EWSR1: variants seen among roughly 807,000 people sequenced by gnomAD.
The protein encoded by EWSR1 is EWS RNA binding protein 1, also known as RNA-binding protein EWS.
In EWSR1, 14 loss-of-function variants were observed where a neutral mutation model predicts 92.1. The observed-to-expected ratio is 0.15, with a 90% CI of 0.10 to 0.24. EWSR1 has a LOEUF of 0.24. Ranked by LOEUF, EWSR1 falls within the 10% of genes least tolerant of loss-of-function variation. The probability of loss-of-function intolerance (pLI) is 1.00; values close to 1 mark genes in which losing one functional copy is unlikely to be tolerated. For missense variants in EWSR1, 637 were observed against 870.9 expected, an observed-to-expected ratio of 0.73 and a Z score of 3.38; for synonymous variants, 303 against 292.9, an observed-to-expected ratio of 1.03 and a Z score of -0.35.
chr22:29,277,541 T>G, intron 4 of EWSR1: 1 of 228,390 alleles, frequency 4.4e-6, no homozygotes. Context: ...AAATTACAGG[T>G]TTTAGTGCTA....
At position 29,300,476 on chromosome 22, in the gene EWSR1, A is replaced by T; in HGVS notation, c.*315A>T. On this transcript the variant is annotated 3_prime_UTR_variant, in exon 17 of 17. Coordinates refer to ENST00000397938, the MANE Select transcript of EWSR1 (RefSeq NM_005243.4). ...AACTGTAACAATGTTCATGGTTGTG[A>T]TGTTTTTTTTTTTTTTTTAAATAAA... 5.8e-5 allele frequency: 14 copies of T among 240,382 alleles called. No homozygotes were observed. Among genetic ancestry groups the T allele is most frequent in the Non-Finnish European group, 9.5e-5 (12 of 126,532 alleles). The allele number at this position is 240,382 out of a possible 1,614,324, so 14.9% of individuals were successfully genotyped here. A position where few individuals can be genotyped will look rare whatever the true frequency, so the allele number is the denominator to read the frequency against.
intron 13 of EWSR1, 61 bp from the exon 14 acceptor site, chr22:29,298,672 C>G (rs2061078380): frequency 6.3e-7 from 1 of 1,594,790 alleles, no homozygotes; most frequent in African/African-American, 1.3e-5. Flanking sequence ...ATTTTTATTT[C>G]CTATAGCAAA....
chr22:29,282,745 T>C (rs532616514), intron 6 of EWSR1, among the ~76,000 whole-genome samples, 188 bp downstream of exon 6: 7 of 152,068 alleles, frequency 4.6e-5, no homozygotes, highest in African/African-American at 1.4e-4. Flanking sequence ...TGGCAGCTAA[T>C]AACTATTCTT....
intron 5 of EWSR1, among the ~76,000 whole-genome samples, chr22:29,281,451 T>C (rs1386540230): frequency 1.3e-5 from 2 of 152,128 alleles, no homozygotes; most frequent in Admixed American, 6.5e-5. Context: ...ACCACAGGCA[T>C]GTACCACCAT....
At chr22:29,286,791 T>C (rs1049219366) in intron 6 of EWSR1, 132 bp from the exon 7 acceptor site, 1 of 631,588 alleles carries the variant, frequency 1.6e-6, no homozygotes, top group Admixed American at 2.9e-5. Flanking sequence ...AAATTGTTGA[T>C]GTGTAGAAAG....
Position 29,272,210 on chromosome 22 carries a change from C to A in EWSR1, c.14-6C>A. ...TACACTATTTTTCCTCCTTGTTTTC[C>A]TCTAGATTACAGTACCTATAGCCAA... On this transcript the variant is annotated splice_region_variant and splice_polypyrimidine_tract_variant and intron_variant, in intron 1 of 16. Transcript: ENST00000397938. 6 of 1,613,562 alleles carry A rather than the reference C, an allele frequency of 3.7e-6. No homozygotes were observed. Among genetic ancestry groups the A allele is most frequent in the Non-Finnish European group, 5.1e-6 (6 of 1,179,632 alleles).
intron 13 of EWSR1, among the ~76,000 whole-genome samples, chr22:29,298,351 C>T (rs1004197393): frequency 6.6e-6 from 1 of 151,988 alleles, no homozygotes; most frequent in Non-Finnish European, 1.5e-5. Context: ...ACTAAAAATA[C>T]AAAAATTAGC....
chr22:29,276,454 G>C (rs1018376199), intron 4 of EWSR1: 2 of 221,200 alleles, frequency 9.0e-6, no homozygotes, highest in African/African-American at 4.5e-5. Flanking sequence ...TTGAGGTAGA[G>C]AAGAAAGAGT....
intron 5 of EWSR1, among the ~76,000 whole-genome samples, chr22:29,280,859 GTTGTTTTTTTTTTTTTT>G (rs1569072796): frequency 4.4e-5 from 4 of 91,022 alleles, no homozygotes; most frequent in African/African-American, 1.6e-4. Context: ...GTGTGTGTGT[GTTGTTTTTTTTTTTTTT>G]TTTTTTTTTT....
intron 12 of EWSR1, among the ~76,000 whole-genome samples, chr22:29,296,941 C>T (rs978902456): frequency 6.6e-6 from 1 of 152,174 alleles, no homozygotes; most frequent in African/African-American, 2.4e-5. Flanking sequence ...ACCAGCCACT[C>T]AGGAGGCTGA....
chr22:29,286,612 G>C (rs770655202), intron 6 of EWSR1, among the ~76,000 whole-genome samples: 1 of 147,268 alleles, frequency 6.8e-6, no homozygotes, highest in Non-Finnish European at 1.5e-5. Flanking sequence ...GCATGAACCC[G>C]GGAGGCAGAG....
chr22:29,295,169 C>G (rs1413452821), intron 11 of EWSR1, among the ~76,000 whole-genome samples: 1 of 152,012 alleles, frequency 6.6e-6, no homozygotes, highest in African/African-American at 2.4e-5. Flanking sequence ...GGGTTCAAGC[C>G]TCAAGCCTCT....
At chr22:29,277,830 C>T (rs2146998298) in intron 4 of EWSR1, 200 bp from the exon 5 acceptor site, 1 of 552,714 alleles carries the variant, frequency 1.8e-6, no homozygotes, top group Non-Finnish European at 3.2e-6. Context: ...GAGACAGTTA[C>T]TTTACCAAAA....
At chr22:29,293,405 ATTAGAG>A (rs761729153) in intron 11 of EWSR1, among the ~76,000 whole-genome samples, 2 of 152,194 alleles carry the variant, frequency 1.3e-5, no homozygotes, top group Non-Finnish European at 2.9e-5. Flanking sequence ...GCTCTTCTGT[ATTAGAG>A]TTAGTTTATG....
intron 6 of EWSR1, among the ~76,000 whole-genome samples, chr22:29,282,888 G>A (rs968931286): frequency 2.0e-5 from 3 of 150,644 alleles, no homozygotes; most frequent in Admixed American, 1.3e-4. Flanking sequence ...TCAACCTCCC[G>A]AGTAGCTGGG....
intron 8 of EWSR1, 174 bp downstream of exon 8, chr22:29,288,960 T>A: frequency 1.6e-6 from 1 of 623,014 alleles, no homozygotes; most frequent in Non-Finnish European, 2.6e-6. Flanking sequence ...ATATATTAAG[T>A]GGCAGTTTAT....
At chr22:29,271,285 AC>A (rs2058663712) in intron 1 of EWSR1, among the ~76,000 whole-genome samples, 2 of 152,220 alleles carry the variant, frequency 1.3e-5, no homozygotes, top group African/African-American at 4.8e-5. Flanking sequence ...TTAAAAAAAA[AC>A]TAAATTTATC....
intron 16 of EWSR1, 87 bp downstream of exon 16, chr22:29,299,938 C>T (rs1297320940): frequency 1.3e-6 from 2 of 1,543,636 alleles, no homozygotes; most frequent in East Asian, 2.3e-5. Context: ...GTCCTCATGT[C>T]TCTAGGAAGC....
chr22:29,290,895 T>C (rs890515456), intron 8 of EWSR1: 38 of 249,260 alleles, frequency 1.5e-4, no homozygotes, highest in African/African-American at 7.7e-4. Flanking sequence ...CTTTAAGTAA[T>C]TTTACATGGC....
Sources: gnomAD v4.1 joint callset for allele counts (sites outside exome capture counted in the v4.1 genomes callset) on GRCh38, gnomAD v4.1.1 for gene constraint, MANE v1.5 for transcripts, NCBI Gene and HGNC (gene_info 2026-07-23, HGNC 2026-07-21) for gene names.